Variants in MBTPS1 observed in about 807,000 individuals in gnomAD.
MBTPS1 encodes membrane-bound transcription factor site-1 protease.
A neutral mutation model predicts 127.8 loss-of-function variants in MBTPS1; 94 were observed. That is an observed-to-expected ratio of 0.74 (90% CI 0.62 to 0.87). MBTPS1 has a LOEUF of 0.87. Ranked by LOEUF, MBTPS1 falls within the 40% of genes least tolerant of loss-of-function variation. The pLI is 0.00. For synonymous variants in MBTPS1, 632 were observed against 509.4 expected, an observed-to-expected ratio of 1.24 and a Z score of -3.24; for missense variants, 1,636 against 1,353.2, an observed-to-expected ratio of 1.21 and a Z score of -3.28.
chr16:84,109,173 A>G (rs2086365791), intron 1 of MBTPS1, among the ~76,000 whole-genome samples: 2 of 152,224 alleles, frequency 1.3e-5, no homozygotes, highest in Admixed American at 1.3e-4. Flanking sequence ...TACGGTAAGA[A>G]CAAGATGGGT....
At chr16:84,085,428 T>C (rs1176352470) in intron 9 of MBTPS1, among the ~76,000 whole-genome samples, 3 of 151,816 alleles carry the variant, frequency 2.0e-5, no homozygotes, top group East Asian at 1.9e-4. Flanking sequence ...ATTAGCCAGA[T>C]GTAGTGGCAC....
intron 9 of MBTPS1, 116 bp from the exon 10 acceptor site, chr16:84,085,250 T>A (rs939986215): frequency 1.9e-6 from 2 of 1,033,648 alleles, no homozygotes; most frequent in African/African-American, 3.2e-5. Context: ...TGTATAACCT[T>A]AGGAAGGTAC....
At position 84,095,821 on chromosome 16, in the gene MBTPS1, A is replaced by T. The variant is rs2086171845; in HGVS notation, c.422-16T>A. The T allele has an allele frequency of 6.2e-7, 1 of 1,608,626 alleles. No homozygotes were observed. Among genetic ancestry groups the T allele is most frequent in the African/African-American group, 1.3e-5 (1 of 74,850 alleles). On this transcript the variant is annotated splice_polypyrimidine_tract_variant and intron_variant, in intron 3 of 22. Coordinates refer to ENST00000343411, the MANE Select transcript of MBTPS1 (RefSeq NM_003791.4). Reference sequence around the variant, plus strand: ...GTGGGGTCAGCTACAGGCAAGGGAGAGAAAGATCAGAACAGAAGAGCAAAA... The same window carrying T: ...GTGGGGTCAGCTACAGGCAAGGGAGTGAAAGATCAGAACAGAAGAGCAAAA...
Position 84,093,207 on chromosome 16 carries a change from C to T in MBTPS1, c.827G>A (p.Arg276Lys), listed in dbSNP as rs1567495964. Residue 276 changes from arginine to lysine, a missense_variant, in exon 6 of 23, where the codon AGG becomes AAG. Arg to Lys is a conservative substitution (Grantham distance 26, BLOSUM62 2). Transcript: ENST00000343411. ...FAPDAELHIF[R>K]VFTNNQVSYT... The stretch of plus-strand genomic sequence containing the variant: ...ACCTACCTGATTATTGGTAAAGACC[C>T]TGAAAATGTGAAGTTCTGCATCTGG... 6.2e-7 allele frequency: 1 copy of T among 1,613,022 alleles called. No individual in the cohort carries two copies. The highest frequency in any genetic ancestry group is 1.7e-5 in the Admixed American group (1 of 60,020).
rs747506713 is a variant in MBTPS1 at position 84,063,386 on chromosome 16, A to T, written c.2491T>A (p.Tyr831Asn). Residue 831 changes from tyrosine to asparagine, a missense_variant, in exon 19 of 23, where the codon TAT (tyrosine) becomes AAT (asparagine). Coordinates refer to ENST00000343411, the MANE Select transcript of MBTPS1 (RefSeq NM_003791.4). The stretch of plus-strand genomic sequence containing the variant: ...CCTCCACCCTCAGCTGGAATCTGAT[A>T]AAGTCCCAAAATGGGGACGTTTTCA... ...VVENVPILGLYQIPAEGGGRI... is the reference protein window; with the variant it reads ...VVENVPILGLNQIPAEGGGRI... 1 of 1,614,162 alleles carries T rather than the reference A, an allele frequency of 6.2e-7. No homozygotes were observed. Among genetic ancestry groups the T allele is most frequent in the Admixed American group, 1.7e-5 (1 of 60,028 alleles).
chr16:84,062,744 G>C (rs1455847221), intron 19 of MBTPS1, among the ~76,000 whole-genome samples: 1 of 152,102 alleles, frequency 6.6e-6, no homozygotes. Flanking sequence ...CGGATGCATC[G>C]AGAGACTGAC....
intron 20 of MBTPS1, chr16:84,060,441 G>C (rs758990299): frequency 8.9e-6 from 4 of 451,976 alleles, no homozygotes; most frequent in African/African-American, 3.9e-5. Context: ...CGTGAGGGTC[G>C]GGGTGCACGT....
Position 84,101,665 on chromosome 16 carries a change from T to G in MBTPS1, c.119A>C (p.His40Pro). ...FEKAPCPGCS[H>P]LTLKVEFSST... ...TGAGAATTCCACCTTCAAAGTCAGGTGGGAACAGCCAGGGCATGGGGCCTT... is the reference window on the plus strand; with the variant it reads ...TGAGAATTCCACCTTCAAAGTCAGGGGGGAACAGCCAGGGCATGGGGCCTT... The change falls in exon 2 of 23, where the codon CAC becomes CCC. Residue 40 changes from histidine (H) to proline (P), a missense_variant. By Grantham distance (77) the His-to-Pro change is moderately conservative. Coordinates refer to ENST00000343411, the MANE Select transcript of MBTPS1 (RefSeq NM_003791.4). 1 of 1,614,132 alleles carries G rather than the reference T, an allele frequency of 6.2e-7. No individual in the cohort carries two copies. The highest frequency in any genetic ancestry group is 1.1e-5 in the South Asian group (1 of 91,078).
At chr16:84,068,295 A>G (rs1239669081) in intron 15 of MBTPS1, 44 bp downstream of exon 15, 3 of 1,270,378 alleles carry the variant, frequency 2.4e-6, no homozygotes, top group Non-Finnish European at 2.3e-6. Context: ...AAACATCCAA[A>G]GTGGGCGGAA....
At chr16:84,101,562 TTAAG>T (rs2151168929) in intron 2 of MBTPS1, 55 bp downstream of exon 2, 1 of 1,422,030 alleles carries the variant, frequency 7.0e-7, no homozygotes, top group South Asian at 1.3e-5. Flanking sequence ...TAATTTTATA[TTAAG>T]TAAGCTTTAA....
In MBTPS1 at chr16:84,063,465, AAC is replaced by A; in HGVS notation, c.2432-22_2432-21del. The A allele has an allele frequency of 6.2e-7, 1 of 1,609,998 alleles. No individual in the cohort carries two copies. The highest frequency in any genetic ancestry group is 8.5e-7 in the Non-Finnish European group (1 of 1,176,590). On this transcript the variant is annotated intron_variant, in intron 18 of 22. Transcript: ENST00000343411. ...CCAATCCTGAAACAACACAACAAAAAACAACAGCCATGAGAGTTTCCACTGAG... is the reference window on the plus strand; with the variant it reads ...CCAATCCTGAAACAACACAACAAAAAAACAGCCATGAGAGTTTCCACTGAG...
chr16:84,066,660 T>C (rs767191338), intron 16 of MBTPS1, 47 bp from the exon 17 acceptor site: 1 of 1,592,406 alleles, frequency 6.3e-7, no homozygotes, highest in South Asian at 1.1e-5. Flanking sequence ...ATGAAGACAC[T>C]CCATACACAG....
chr16:84,109,890 C>G (rs1454463180), intron 1 of MBTPS1, among the ~76,000 whole-genome samples: 1 of 152,106 alleles, frequency 6.6e-6, no homozygotes, highest in Non-Finnish European at 1.5e-5. Flanking sequence ...GTAAGAAGGT[C>G]CTTGCTTGGA....
At chr16:84,109,077 C>A (rs780280312) in intron 1 of MBTPS1, among the ~76,000 whole-genome samples, 37 of 152,314 alleles carry the variant, frequency 2.4e-4, no homozygotes, top group Middle Eastern at 3.4e-3. Context: ...GCAAGGAGCC[C>A]ACCTACTGCC....
At chr16:84,108,810 T>C (rs2086360247) in intron 1 of MBTPS1, among the ~76,000 whole-genome samples, 2 of 152,194 alleles carry the variant, frequency 1.3e-5, no homozygotes, top group South Asian at 4.1e-4. Context: ...AAGGTAAAAC[T>C]GTTTGATCAA....
At chr16:84,076,908 T>C (rs2151152946) in intron 11 of MBTPS1, among the ~76,000 whole-genome samples, 1 of 152,304 alleles carries the variant, frequency 6.6e-6, no homozygotes, top group South Asian at 2.1e-4. Flanking sequence ...TGAAAATTCA[T>C]ATGAAGAAAA....
intron 11 of MBTPS1, among the ~76,000 whole-genome samples, chr16:84,080,977 G>A (rs1402123609): frequency 6.6e-6 from 1 of 152,246 alleles, no homozygotes; most frequent in Non-Finnish European, 1.5e-5. Flanking sequence ...GGAACCGTCT[G>A]TGATTAGAGG....
chr16:84,070,130 C>G (rs1438965150), intron 13 of MBTPS1, 92 bp from the exon 14 acceptor site: 4 of 1,105,936 alleles, frequency 3.6e-6, no homozygotes, highest in Non-Finnish European at 5.1e-6. Context: ...TCAACTTAAC[C>G]TAAATAATTT....
intron 1 of MBTPS1, among the ~76,000 whole-genome samples, chr16:84,115,653 C>G (rs979410879): frequency 5.3e-5 from 8 of 152,132 alleles, no homozygotes; most frequent in African/African-American, 1.9e-4. Context: ...ATGTTTCCAT[C>G]TGAATATACG....
Sources: gnomAD v4.1 joint callset for allele counts (sites outside exome capture counted in the v4.1 genomes callset) on GRCh38, gnomAD v4.1.1 for gene constraint, MANE v1.5 for transcripts, NCBI Gene and HGNC (gene_info 2026-07-23, HGNC 2026-07-21) for gene names.